Variants in TCF12 observed in about 807,000 individuals in gnomAD.
TCF12 encodes the protein DNA-binding protein HTF4.
Under a neutral mutation model 86.0 loss-of-function variants are expected in TCF12, and 45 were observed. The ratio of observed to expected loss-of-function variants is 0.52; its 90% CI spans 0.41 to 0.67. TCF12 has a LOEUF of 0.67. Ranked by LOEUF, TCF12 falls within the 30% of genes least tolerant of loss-of-function variation. The probability of loss-of-function intolerance (pLI) is 0.00; values close to 1 mark genes in which losing one functional copy is unlikely to be tolerated. For synonymous variants in TCF12, 330 were observed against 299.6 expected, an observed-to-expected ratio of 1.10 and a Z score of -1.05; for missense variants, 881 against 859.9, an observed-to-expected ratio of 1.02 and a Z score of -0.31.
intron 13 of TCF12, among the ~76,000 whole-genome samples, chr15:57,245,774 C>G (rs1261644868): frequency 6.6e-6 from 1 of 152,276 alleles, no homozygotes; most frequent in South Asian, 2.1e-4. Context: ...TAATGAAAAT[C>G]TGGGCTGTTG....
intron 3 of TCF12, among the ~76,000 whole-genome samples, chr15:56,958,736 G>A (rs550903325): frequency 6.7e-6 from 1 of 149,970 alleles, no homozygotes; most frequent in South Asian, 2.1e-4. Context: ...AGGCTGACAG[G>A]CATCGTGGCT....
chr15:57,173,721 T>C (rs1314478833), intron 6 of TCF12, among the ~76,000 whole-genome samples: 1 of 151,980 alleles, frequency 6.6e-6, no homozygotes, highest in Non-Finnish European at 1.5e-5. Flanking sequence ...TTCTTTTTTT[T>C]TTTTTAGACA....
At chr15:57,086,212 G>A (rs78642170) in intron 4 of TCF12, among the ~76,000 whole-genome samples, 1,580 of 141,578 alleles carry the variant, frequency 0.011, 29 homozygotes, top group African/African-American at 0.038. Context: ...GGATGATGAT[G>A]ATAATAATAA....
At chr15:57,214,215 G>A (rs1216967797) in intron 8 of TCF12, 3 of 152,158 alleles carry the variant, frequency 2.0e-5, no homozygotes, top group South Asian at 2.1e-4. Context: ...CAAAAGAAAC[G>A]TGCAATTTGC....
At chr15:57,222,820 C>T (rs2058669305) in intron 8 of TCF12, among the ~76,000 whole-genome samples, 2 of 75,042 alleles carry the variant, frequency 2.7e-5, no homozygotes, top group African/African-American at 4.8e-5. Flanking sequence ...GAGTGCCTTA[C>T]TCCATTTTTC....
At chr15:57,069,256 G>A (rs1236989148) in intron 4 of TCF12, among the ~76,000 whole-genome samples, 1 of 152,066 alleles carries the variant, frequency 6.6e-6, no homozygotes, top group Non-Finnish European at 1.5e-5. Context: ...CCACTGATAG[G>A]AATTACATTT....
At chr15:57,055,920 T>A (rs2067983716) in intron 3 of TCF12, among the ~76,000 whole-genome samples, 1 of 152,174 alleles carries the variant, frequency 6.6e-6, no homozygotes. Context: ...ATTATACCTA[T>A]GTTAGTCTTT....
At chr15:56,939,267 C>G (rs1447588438) in intron 3 of TCF12, among the ~76,000 whole-genome samples, 1 of 151,998 alleles carries the variant, frequency 6.6e-6, no homozygotes, top group Non-Finnish European at 1.5e-5. Context: ...ATTTTAAGGA[C>G]TCTTGGGTGG....
At chr15:57,114,082 C>T (rs1388851668) in intron 5 of TCF12, among the ~76,000 whole-genome samples, 4 of 152,096 alleles carry the variant, frequency 2.6e-5, no homozygotes, top group African/African-American at 9.7e-5. Context: ...TTTTGAGAAC[C>T]ATATATAAGC....
intron 3 of TCF12, among the ~76,000 whole-genome samples, chr15:56,981,850 A>G (rs528636616): frequency 6.6e-6 from 1 of 152,346 alleles, no homozygotes; most frequent in East Asian, 1.9e-4. Context: ...TACTAAGTGT[A>G]AGTGGATTCT....
rs560416072 is a variant in TCF12 at position 57,242,894 on chromosome 15, C to A, written c.1036-578C>A. ...AAGCATAACAGGATTTTTTCACTTT[C>A]TTCAAGGATGACAGAGTATCTTCTG... On this transcript the variant is annotated intron_variant, in intron 12 of 20. Coordinates refer to ENST00000333725, the MANE Select transcript of TCF12 (RefSeq NM_207037.2). Among the ~76,000 whole-genome samples the A allele has an allele frequency of 2.2e-4, 33 of 152,300 alleles. No individual in the cohort carries two copies. In the South Asian group the frequency reaches 4.1e-3, roughly 19 times the overall value.
intron 8 of TCF12, among the ~76,000 whole-genome samples, chr15:57,218,351 T>C (rs1385117935): frequency 6.6e-6 from 1 of 152,170 alleles, no homozygotes; most frequent in Admixed American, 6.5e-5. Flanking sequence ...TGCTATTCTG[T>C]TTTTCCAGGT....
At chr15:57,195,304 G>C (rs924531487) in intron 7 of TCF12, among the ~76,000 whole-genome samples, 14 of 152,258 alleles carry the variant, frequency 9.2e-5, no homozygotes, top group African/African-American at 3.1e-4. Flanking sequence ...GTATAGTGGT[G>C]GGTAACCAAA....
At chr15:57,042,683 G>C (rs1159392049) in intron 3 of TCF12, among the ~76,000 whole-genome samples, 1 of 151,928 alleles carries the variant, frequency 6.6e-6, no homozygotes, top group African/African-American at 2.4e-5. Context: ...CAAAGTGCTG[G>C]GATTACAAAT....
intron 5 of TCF12, chr15:57,092,102 C>CA: frequency 9.8e-6 from 4 of 408,394 alleles, no homozygotes; most frequent in South Asian, 5.8e-5. Context: ...GTTTTGGTGT[C>CA]AAAAAAAGAA....
intron 3 of TCF12, among the ~76,000 whole-genome samples, chr15:57,034,940 A>G (rs942228472): frequency 2.0e-5 from 3 of 152,326 alleles, no homozygotes. Flanking sequence ...TTTTTTAGGA[A>G]CATATAATTT....
intron 3 of TCF12, among the ~76,000 whole-genome samples, chr15:56,965,340 T>C (rs78701891): frequency 0.012 from 1,761 of 152,246 alleles, 30 homozygotes; most frequent in African/African-American, 0.04. Context: ...TTAGAAAATA[T>C]TGAAACAGTA....
chr15:57,197,396 G>C (rs181053188), intron 7 of TCF12, among the ~76,000 whole-genome samples: 3 of 152,038 alleles, frequency 2.0e-5, no homozygotes, highest in Non-Finnish European at 4.4e-5. Flanking sequence ...GACCTCAGGT[G>C]ATCCGCCCAC....
At chr15:57,167,838 G>A (rs2055014793) in intron 6 of TCF12, among the ~76,000 whole-genome samples, 1 of 151,938 alleles carries the variant, frequency 6.6e-6, no homozygotes, top group Admixed American at 6.6e-5. Flanking sequence ...GTTAATGATT[G>A]CTCTATTTTC....
Sources: allele counts gnomAD v4.1 joint callset (sites outside exome capture counted in the v4.1 genomes callset), GRCh38; gene constraint gnomAD v4.1.1; transcripts MANE v1.5; gene names NCBI Gene and HGNC (gene_info 2026-07-23, HGNC 2026-07-21).